CDHR2: variants seen among roughly 807,000 people sequenced by gnomAD.
The protein encoded by CDHR2 is cadherin-related family member 2.
CDHR2 carries 104 observed loss-of-function variants against 138.6 expected under a neutral mutation model. The observed-to-expected ratio is 0.75, with a 90% CI of 0.64 to 0.88. The LOEUF is 0.88. CDHR2 is among the 40% of genes least tolerant of loss of function. CDHR2 has a pLI of 0.00. For missense variants in CDHR2, 1,624 were observed against 1,727.6 expected (o/e 0.94, Z 1.06); for synonymous variants, 755 against 742.8 (o/e 1.02, Z -0.27).
chr5:176,554,991 C>G (rs368887607), intron 1 of CDHR2, among the ~76,000 whole-genome samples: 1 of 152,198 alleles, frequency 6.6e-6, no homozygotes, highest in East Asian at 1.9e-4. Context: ...GTGCCCGGCT[C>G]AAGTTCTGAG....
intron 22 of CDHR2, 65 bp from the exon 23 acceptor site, chr5:176,589,265 G>A: frequency 6.3e-7 from 1 of 1,588,984 alleles, no homozygotes; most frequent in South Asian, 1.2e-5. Flanking sequence ...CATCCTGGAG[G>A]TTACAAGGGT....
intron 1 of CDHR2, among the ~76,000 whole-genome samples, chr5:176,557,619 G>A (rs1757864839): frequency 7.0e-6 from 1 of 142,772 alleles, no homozygotes; most frequent in Non-Finnish European, 1.5e-5. Context: ...GGGCTGGAGT[G>A]CAGTGACGAA....
intron 31 of CDHR2, among the ~76,000 whole-genome samples, chr5:176,593,033 A>C (rs1758926863): frequency 6.6e-6 from 1 of 152,202 alleles, no homozygotes; most frequent in Non-Finnish European, 1.5e-5. Context: ...AACATCAACC[A>C]TGCAGGGCCA....
chr5:176,573,828 C>G (rs1758290257), intron 6 of CDHR2, among the ~76,000 whole-genome samples: 1 of 152,108 alleles, frequency 6.6e-6, no homozygotes. Flanking sequence ...GATCCCTCAT[C>G]CTGGTTCTGA....
chr5:176,547,600 T>C (rs570603589), upstream of CDHR2: 1 of 152,252 alleles, frequency 6.6e-6, no homozygotes, highest in South Asian at 2.1e-4. Flanking sequence ...ACCATATTAG[T>C]GCTGAATTTA....
Position 176,543,645 on chromosome 5 carries a change from A to AC in CDHR2, c.-16+880dup, listed in dbSNP as rs1757513547. ...CGCCTGTGAAAAGGGAAACAATACG[A>AC]CCCCATGGTCGTTCAGAGAATCTTC... On this transcript the variant is annotated intron_variant, in intron 1 of 31. Transcript: ENST00000510636. This position sits in a 1 kb window ranked among gnomAD's most constrained non-coding sequence, Gnocchi z 4.0. 1 of 151,480 alleles carries AC rather than the reference A, an allele frequency of 6.6e-6. No individual in the cohort carries two copies. Among genetic ancestry groups the AC allele is most frequent in the Admixed American group, 6.6e-5 (1 of 15,248 alleles). 9.4% of individuals were successfully genotyped at this position (151,480 alleles called of 1,614,324 possible).
chr5:176,558,808 C>T (rs193086123), intron 1 of CDHR2, among the ~76,000 whole-genome samples: 3 of 152,366 alleles, frequency 2.0e-5, no homozygotes, highest in Middle Eastern at 3.4e-3. Flanking sequence ...GCGTGAGCCA[C>T]CGCGCCCGGT....
At position 176,576,662 on chromosome 5, in the gene CDHR2, T is replaced by C. The variant is rs1758390258; in HGVS notation, c.1194+477T>C. Among the ~76,000 whole-genome samples, 1 of 151,590 alleles carries C rather than the reference T, an allele frequency of 6.6e-6. No homozygotes were observed. Among genetic ancestry groups the C allele is most frequent in the Non-Finnish European group, 1.5e-5 (1 of 67,894 alleles). ...CCCAATCTTGGCCCACTGCAACCTC[T>C]GCCTCCCAGGTGGAAGGGATTCTCC... On this transcript the variant is annotated intron_variant, in intron 12 of 31. Transcript: ENST00000261944. The surrounding 1 kb of genome is among the most constrained non-coding windows in gnomAD (Gnocchi z 4.5).
intron 1 of CDHR2, among the ~76,000 whole-genome samples, chr5:176,565,084 T>G (rs1758049710): frequency 6.6e-6 from 1 of 152,162 alleles, no homozygotes; most frequent in Non-Finnish European, 1.5e-5. Flanking sequence ...TCTAGTGCCT[T>G]GGAGCATTTC....
intron 1 of CDHR2, 58 bp downstream of exon 1, chr5:176,549,472 G>A (rs767681595): frequency 2.0e-5 from 3 of 152,240 alleles, no homozygotes; most frequent in Non-Finnish European, 4.4e-5. Flanking sequence ...GGGGTTGGGG[G>A]GATCCCTAGA....
chr5:176,589,216 G>C (rs1435078513), intron 22 of CDHR2, 34 bp downstream of exon 22: 5 of 1,612,798 alleles, frequency 3.1e-6, no homozygotes, highest in Non-Finnish European at 4.2e-6. Flanking sequence ...GGAGGTTGCG[G>C]GGAGGGGCCC....
At chr5:176,554,054 C>A (rs568954452) in intron 1 of CDHR2, among the ~76,000 whole-genome samples, 73 of 152,204 alleles carry the variant, frequency 4.8e-4, no homozygotes, top group Non-Finnish European at 8.2e-4. Context: ...TGGGGCACAT[C>A]TGTATTTATC....
Position 176,560,469 on chromosome 5 carries a change from A to G in CDHR2, c.-15-4869A>G, listed in dbSNP as rs183777144. Among the ~76,000 whole-genome samples the G allele has an allele frequency of 7.2e-5, 11 of 152,254 alleles. No homozygotes were observed. The East Asian group carries it at 1.9e-3, about 27-fold the overall frequency. On this transcript the variant is annotated intron_variant, in intron 1 of 31. Coordinates refer to ENST00000261944, the MANE Select transcript of CDHR2 (RefSeq NM_017675.6). ...TACACCAGATTCAAGGGGAGCAGAC[A>G]TAGTCCTCATCTCTTGCAGGAAGGA...
Position 176,592,784 on chromosome 5 carries a change from A to T in CDHR2, c.3792+4A>T, listed in dbSNP as rs1758921656. 6.2e-7 allele frequency: 1 copy of T among 1,613,500 alleles called. No individual in the cohort carries two copies. The highest frequency in any genetic ancestry group is 1.7e-5 in the Admixed American group (1 of 59,982). On this transcript the variant is annotated splice_donor_region_variant and intron_variant, in intron 31 of 31. Transcript: ENST00000261944. ...CAAGAACAGTCAGGAAATCAAGGCA[A>T]GATGGGGGATGAATTGGTGCCTGGA...
At position 176,574,064 on chromosome 5, in the gene CDHR2, G is replaced by T; in HGVS notation, c.406-19G>T. Reference sequence around the variant, plus strand: ...AGGAGCTGGATTTGAGCTCATAGGTGACGAGTCCCTCCCTGCAGACCCTGC... The same window carrying T: ...AGGAGCTGGATTTGAGCTCATAGGTTACGAGTCCCTCCCTGCAGACCCTGC... On this transcript the variant is annotated intron_variant, in intron 6 of 31. Transcript: ENST00000261944. The T allele has an allele frequency of 6.2e-7, 1 of 1,603,924 alleles. No individual in the cohort carries two copies.
Position 176,571,200 on chromosome 5 carries a change from T to C in CDHR2, c.316-13T>C. 1.9e-6 allele frequency: 3 copies of C among 1,601,894 alleles called. No individual in the cohort carries two copies. Among genetic ancestry groups the C allele is most frequent in the Non-Finnish European group, 2.6e-6 (3 of 1,169,868 alleles). On this transcript the variant is annotated splice_polypyrimidine_tract_variant and intron_variant, in intron 5 of 31. Transcript: ENST00000261944. Reference sequence around the variant, plus strand: ...CCTATTTTCTGGGGTCCCCTGGGCTTTCTCACTTGCAGGTGCAGAGGGAGA... The same window carrying C: ...CCTATTTTCTGGGGTCCCCTGGGCTCTCTCACTTGCAGGTGCAGAGGGAGA...
chr5:176,583,323 C>T (rs1758570378), intron 17 of CDHR2, among the ~76,000 whole-genome samples: 3 of 152,168 alleles, frequency 2.0e-5, no homozygotes, highest in African/African-American at 7.2e-5. Flanking sequence ...GTTAGGGTGA[C>T]CTTGAGAATG....
At chr5:176,577,865 A>AAT (rs529459438) in intron 14 of CDHR2, 67 bp downstream of exon 14, 14 of 1,149,518 alleles carry the variant, frequency 1.2e-5, no homozygotes, top group African/African-American at 2.9e-5. Flanking sequence ...TGAGTGTGAG[A>AAT]GTGTGTGTGT....
At chr5:176,561,419 C>G (rs182683154) in intron 1 of CDHR2, among the ~76,000 whole-genome samples, 1 of 152,148 alleles carries the variant, frequency 6.6e-6, no homozygotes, top group African/African-American at 2.4e-5. Flanking sequence ...TGGGCTCAGC[C>G]CTGTGCTTGG....
Sources: allele counts gnomAD v4.1 joint callset (sites outside exome capture counted in the v4.1 genomes callset), GRCh38; gene constraint gnomAD v4.1.1; non-coding constraint Gnocchi (gnomAD v3.1); transcripts MANE v1.5; gene names NCBI Gene and HGNC (gene_info 2026-07-23, HGNC 2026-07-21).